Variants in IFFO2 observed in about 807,000 individuals in gnomAD.
IFFO2 encodes intermediate filament family orphan 2.
Under a neutral mutation model 53.5 loss-of-function variants are expected in IFFO2, and 19 were observed. That is an observed-to-expected ratio of 0.36 (90% CI 0.25 to 0.52). IFFO2 has a LOEUF of 0.52. Among genes scored for constraint, IFFO2 ranks in the 20% least tolerant of loss-of-function variants. The pLI is 0.94. For synonymous variants in IFFO2, 303 were observed against 313.6 expected (o/e 0.97, Z 0.36); for missense variants, 570 against 727.4 (o/e 0.78, Z 2.49).
intron 1 of IFFO2, 56 bp downstream of exon 1, chr1:18,955,612 G>A: frequency 4.7e-6 from 7 of 1,503,688 alleles, no homozygotes; most frequent in South Asian, 1.2e-5. Flanking sequence ...GCATTCCGCG[G>A]CAGCCTGGAC....
intron 1 of IFFO2, among the ~76,000 whole-genome samples, chr1:18,940,118 G>A (rs1028404242): frequency 1.3e-5 from 2 of 152,220 alleles, no homozygotes; most frequent in African/African-American, 4.8e-5. Flanking sequence ...CCAGTCTGGG[G>A]CCTGCATGCT....
intron 8 of IFFO2, among the ~76,000 whole-genome samples, chr1:18,909,772 C>CTT (rs149958014): frequency 1.3e-5 from 2 of 151,518 alleles, no homozygotes; most frequent in African/African-American, 4.8e-5. Flanking sequence ...TCAGGCATTT[C>CTT]TTTTTTTTTG....
intron 1 of IFFO2, among the ~76,000 whole-genome samples, chr1:18,944,887 G>C (rs1936566674): frequency 6.6e-6 from 1 of 152,054 alleles, no homozygotes; most frequent in African/African-American, 2.4e-5. Flanking sequence ...AAGAGGGAGA[G>C]GAAAGGAGAG....
chr1:18,909,517 G>A (rs1156403198), intron 8 of IFFO2, among the ~76,000 whole-genome samples: 2 of 152,146 alleles, frequency 1.3e-5, no homozygotes, highest in Admixed American at 1.3e-4. Flanking sequence ...TCATGAGAGG[G>A]ACCAGTTAGA....
At chr1:18,922,927 GA>G (rs748105593) in intron 1 of IFFO2, among the ~76,000 whole-genome samples, 2 of 152,112 alleles carry the variant, frequency 1.3e-5, no homozygotes, top group Non-Finnish European at 2.9e-5. Flanking sequence ...ACAATGGGGG[GA>G]AAGTTCCCAG....
In IFFO2 at chr1:18,950,353, G is replaced by T. The variant is rs575289291; in HGVS notation, c.665+5315C>A. On this transcript the variant is annotated intron_variant, in intron 1 of 8. Transcript: ENST00000455833. ...AAAGGAACAGACTTTGCCAGGGGAAGGGGGCTGGGCTGGGGTGGAGGTAGG... is the reference window on the plus strand; with the variant it reads ...AAAGGAACAGACTTTGCCAGGGGAATGGGGCTGGGCTGGGGTGGAGGTAGG... Among the ~76,000 whole-genome samples the T allele has an allele frequency of 2.0e-5, 3 of 152,320 alleles. No homozygotes were observed. The South Asian group carries it at 6.2e-4, about 32-fold the overall frequency.
chr1:18,945,864 A>G (rs1370976642), intron 1 of IFFO2, among the ~76,000 whole-genome samples: 2 of 152,154 alleles, frequency 1.3e-5, no homozygotes, highest in Non-Finnish European at 2.9e-5. Flanking sequence ...GACCATTCCC[A>G]TTTCCAGATA....
At chr1:18,940,562 C>CGGATGGAT (rs142740984) in intron 1 of IFFO2, among the ~76,000 whole-genome samples, 3,460 of 148,400 alleles carry the variant, frequency 0.023, 65 homozygotes, top group East Asian at 0.071. Flanking sequence ...GATGGACAAA[C>CGGATGGAT]GGATGGATGG....
Position 18,956,042 on chromosome 1 carries a change from G to T in IFFO2, c.291C>A (p.Arg97=). The T allele has an allele frequency of 1.4e-6, 2 of 1,469,432 alleles. No homozygotes were observed. The highest frequency in any genetic ancestry group is 9.1e-7 in the Non-Finnish European group (1 of 1,097,358). The allele number at this position is 1,469,432 out of a possible 1,614,324, so 91.0% of individuals were successfully genotyped here. A position where few individuals can be genotyped will look rare whatever the true frequency, so the allele number is the denominator to read the frequency against. Residue 97 remains arginine (R), a synonymous_variant, in exon 1 of 9, where the codon CGC becomes CGA. Coordinates refer to ENST00000455833, the MANE Select transcript of IFFO2 (RefSeq NM_001136265.2). This position sits in a 1 kb window ranked among gnomAD's most constrained non-coding sequence, Gnocchi z 6.4. ...CCTGCTCGCGGGAGAAGGTCTTGTA[G>T]CGCAGCCGCCGCTCGCGCTCGCTCT... The part of the protein sequence containing the change: ...QQQSERERRL[R]YKTFSREQAV...
chr1:18,929,844 T>C (rs1036207610), intron 1 of IFFO2, among the ~76,000 whole-genome samples: 1 of 152,100 alleles, frequency 6.6e-6, no homozygotes, highest in Non-Finnish European at 1.5e-5. Flanking sequence ...GGCACCACTT[T>C]CCCATCAGTA....
At chr1:18,909,467 A>T (rs952149235) in intron 8 of IFFO2, among the ~76,000 whole-genome samples, 1 of 152,110 alleles carries the variant, frequency 6.6e-6, no homozygotes, top group Non-Finnish European at 1.5e-5. Flanking sequence ...GTTCCCACCC[A>T]AATTGCATCT....
At chr1:18,939,836 A>T (rs1936498145) in intron 1 of IFFO2, among the ~76,000 whole-genome samples, 1 of 152,196 alleles carries the variant, frequency 6.6e-6, no homozygotes, top group Admixed American at 6.5e-5. Context: ...CCAATGGAAA[A>T]GGCCACAAGG....
rs1052678474 is a variant in IFFO2, at chr1:18,911,486, T to G, written c.1225-10A>C. On this transcript the variant is annotated splice_polypyrimidine_tract_variant and intron_variant, in intron 6 of 8. Coordinates refer to ENST00000455833, the MANE Select transcript of IFFO2 (RefSeq NM_001136265.2). ...CCAAGTTTTCCTCTTGCTGGGGAAA[T>G]AGAACAAACGGGACAGTTTATTTTA... 1 of 1,348,492 alleles carries G rather than the reference T, an allele frequency of 7.4e-7. No homozygotes were observed. The allele number at this position is 1,348,492 out of a possible 1,614,324, so 83.5% of individuals were successfully genotyped here.
At chr1:18,953,468 G>A (rs183825420) in intron 1 of IFFO2, among the ~76,000 whole-genome samples, 13 of 152,054 alleles carry the variant, frequency 8.5e-5, no homozygotes, top group East Asian at 1.9e-4. Context: ...CTGTATTAAC[G>A]TCTTAATGTT....
chr1:18,917,520 G>A lies in IFFO2; in HGVS notation c.964-478C>T, dbSNP rs907258339. ...CTTCCACTCCAAGCAGACAAGCCAC[G>A]AGCAAACGAAGGCTGCGTTGGCCTC... On this transcript the variant is annotated intron_variant, in intron 4 of 8. Transcript: ENST00000455833. The surrounding 1 kb of genome is among the most constrained non-coding windows in gnomAD (Gnocchi z 5.9). 1.3e-5 allele frequency among the ~76,000 whole-genome samples: 2 copies of A among 152,266 alleles called. No individual in the cohort carries two copies. The highest frequency in any genetic ancestry group is 2.1e-4 in the South Asian group (1 of 4,824).
At chr1:18,923,100 G>T (rs995603195) in intron 1 of IFFO2, among the ~76,000 whole-genome samples, 1 of 152,240 alleles carries the variant, frequency 6.6e-6, no homozygotes, top group African/African-American at 2.4e-5. Context: ...GTGCAAGGGC[G>T]AGCCCCGGCA....
chr1:18,912,682 G>A lies in IFFO2; in HGVS notation c.1104-599C>T, dbSNP rs559070190. Among the ~76,000 whole-genome samples the A allele has an allele frequency of 5.9e-5, 9 of 152,266 alleles. No individual in the cohort carries two copies. The South Asian group carries it at 8.3e-4, about 14-fold the overall frequency. On this transcript the variant is annotated intron_variant, in intron 5 of 8. Transcript: ENST00000455833. ...CACTAAGCATGCAGCAAAATGCAAC[G>A]CCCTCAAAACAATTCCACCCTCAAA...
At chr1:18,953,903 A>G (rs765374549) in intron 1 of IFFO2, among the ~76,000 whole-genome samples, 1 of 152,174 alleles carries the variant, frequency 6.6e-6, no homozygotes, top group Non-Finnish European at 1.5e-5. Flanking sequence ...CACACACACA[A>G]TAAAACAAAC....
intron 1 of IFFO2, among the ~76,000 whole-genome samples, chr1:18,950,987 G>A (rs981812651): frequency 1.3e-5 from 2 of 152,182 alleles, no homozygotes; most frequent in South Asian, 2.1e-4. Context: ...CGGATGATGC[G>A]GGCATCATGT....
Sources: allele counts gnomAD v4.1 joint callset (sites outside exome capture counted in the v4.1 genomes callset), GRCh38; gene constraint gnomAD v4.1.1; non-coding constraint Gnocchi (gnomAD v3.1); transcripts MANE v1.5; gene names NCBI Gene and HGNC (gene_info 2026-07-23, HGNC 2026-07-21).